ATF7IP2: variants seen among roughly 807,000 people sequenced by gnomAD.
ATF7IP2 encodes activating transcription factor 7-interacting protein 2.
ATF7IP2 carries 42 observed loss-of-function variants against 64.2 expected under a neutral mutation model. That is an observed-to-expected ratio of 0.65 (90% CI 0.51 to 0.85). The LOEUF (loss-of-function observed/expected upper bound fraction) is 0.85. Ranked by LOEUF, ATF7IP2 falls within the 40% of genes least tolerant of loss-of-function variation. The pLI is 0.00. For synonymous variants in ATF7IP2, 308 were observed against 272.8 expected, an observed-to-expected ratio of 1.13 and a Z score of -1.27; for missense variants, 933 against 784.2, an observed-to-expected ratio of 1.19 and a Z score of -2.27.
chr16:10,467,356 A>G (rs2049613458), intron 9 of ATF7IP2, among the ~76,000 whole-genome samples: 2 of 152,162 alleles, frequency 1.3e-5, no homozygotes, highest in Admixed American at 1.3e-4. Flanking sequence ...AGCTTCAACC[A>G]AAGAAAAATT....
chr16:10,416,411 G>C (rs911971289), intron 2 of ATF7IP2, among the ~76,000 whole-genome samples: 14 of 152,162 alleles, frequency 9.2e-5, no homozygotes, highest in African/African-American at 3.1e-4. Flanking sequence ...ATTTGAATTT[G>C]TGGTGAGAAT....
At chr16:10,405,572 C>G (rs1278635216) in intron 1 of ATF7IP2, among the ~76,000 whole-genome samples, 3 of 152,124 alleles carry the variant, frequency 2.0e-5, no homozygotes, top group Non-Finnish European at 4.4e-5. Flanking sequence ...CAGAAACATT[C>G]TTATCACATC....
At chr16:10,462,946 C>G (rs2049423857) in intron 9 of ATF7IP2, among the ~76,000 whole-genome samples, 1 of 152,124 alleles carries the variant, frequency 6.6e-6, no homozygotes, top group African/African-American at 2.4e-5. Flanking sequence ...ATCCAAGTAG[C>G]TATTAAACCC....
intron 6 of ATF7IP2, among the ~76,000 whole-genome samples, chr16:10,433,937 TTGTC>T (rs1449454647): frequency 6.6e-6 from 1 of 152,228 alleles, no homozygotes; most frequent in East Asian, 1.9e-4. Flanking sequence ...ACACTCATAT[TTGTC>T]TGTAAGTCAG....
rs774927272 is a variant in ATF7IP2, at chr16:10,481,980, C to G, written c.1780C>G (p.Leu594Val). Residue 594 changes from leucine to valine, a missense_variant, in exon 14 of 14, where the codon CTG becomes GTG. Transcript: ENST00000562102. ...KRVFRPNGIA[L>V]TWNITKINPK... Reference sequence around the variant, plus strand: ...GGTTTTCAGACCCAATGGCATTGCCCTGACTTGGAATATAACCAAAATCAA... The same window carrying G: ...GGTTTTCAGACCCAATGGCATTGCCGTGACTTGGAATATAACCAAAATCAA... 12 of 1,614,114 alleles carry G rather than the reference C, an allele frequency of 7.4e-6. No homozygotes were observed. The highest frequency in any genetic ancestry group is 8.5e-6 in the Non-Finnish European group (10 of 1,180,016).
chr16:10,468,174 C>G (rs1366066117), intron 9 of ATF7IP2, among the ~76,000 whole-genome samples: 1 of 152,118 alleles, frequency 6.6e-6, no homozygotes, highest in Non-Finnish European at 1.5e-5. Context: ...GCCACCGTGC[C>G]TGGCCCAAAT....
In ATF7IP2 at chr16:10,482,093, A is replaced by C. The variant is rs1297598190; in HGVS notation, c.1893A>C (p.Glu631Asp). Residue 631 changes from glutamate to aspartate, a missense_variant, in exon 14 of 14, where the codon GAA becomes GAC. By Grantham distance (45) the Glu-to-Asp change is conservative. Transcript: ENST00000562102. ...AGTTGATTTGGAAGAAGATTGGAGA[A>C]ATTAAAGCTTTACCACTCCCCATGG... Reference protein sequence around the residue: ...NNKLIWKKIGEIKALPLPMAC... With the variant: ...NNKLIWKKIGDIKALPLPMAC... The C allele has an allele frequency of 5.0e-6, 8 of 1,614,032 alleles. No homozygotes were observed. Among genetic ancestry groups the C allele is most frequent in the Non-Finnish European group, 6.8e-6 (8 of 1,180,014 alleles).
chr16:10,468,054 T>C (rs2049646756), intron 9 of ATF7IP2, among the ~76,000 whole-genome samples: 1 of 149,778 alleles, frequency 6.7e-6, no homozygotes, highest in Admixed American at 6.7e-5. Flanking sequence ...TAATTTTGTA[T>C]TTTTTAGTAG....
In ATF7IP2 at chr16:10,440,382, C is replaced by G; in HGVS notation, c.1114C>G (p.Gln372Glu). 2 of 1,550,924 alleles carry G rather than the reference C, an allele frequency of 1.3e-6. No homozygotes were observed. Among genetic ancestry groups the G allele is most frequent in the Non-Finnish European group, 1.7e-6 (2 of 1,152,842 alleles). ...CTTCTAGGCAAAAATAGCAAAACTT[C>G]AAAGACGTATTAAAACAGTATTATT... The part of the protein sequence containing the change: ...DKLLAKIAKL[Q>E]RRIKTVLLFQ... The change falls in exon 8 of 14, where the codon CAA becomes GAA. Residue 372 changes from glutamine (Q) to glutamate (E), a missense_variant. Transcript: ENST00000562102.
chr16:10,441,036 A>T (rs1596522604), intron 8 of ATF7IP2, among the ~76,000 whole-genome samples: 1 of 152,300 alleles, frequency 6.6e-6, no homozygotes, highest in East Asian at 1.9e-4. Flanking sequence ...TTTGCTGAGA[A>T]TGATGGTTTT....
At chr16:10,466,656 T>C (rs1353358575) in intron 9 of ATF7IP2, among the ~76,000 whole-genome samples, 1 of 152,228 alleles carries the variant, frequency 6.6e-6, no homozygotes, top group Non-Finnish European at 1.5e-5. Flanking sequence ...ATATCTTCTT[T>C]TATGAAGATT....
intron 3 of ATF7IP2, among the ~76,000 whole-genome samples, chr16:10,422,295 C>T (rs533087819): frequency 1.3e-5 from 2 of 152,272 alleles, no homozygotes; most frequent in South Asian, 2.1e-4. Flanking sequence ...TAAACCTTGG[C>T]GGGACTTTGT....
At chr16:10,480,136 C>T (rs9929356) in intron 12 of ATF7IP2, among the ~76,000 whole-genome samples, 10,732 of 151,450 alleles carry the variant, frequency 0.071, 753 homozygotes, top group African/African-American at 0.17. Flanking sequence ...TACAGGCACG[C>T]GCCACCACAC....
In ATF7IP2 at chr16:10,431,019, G is replaced by A. The variant is rs1222678628; in HGVS notation, c.399G>A (p.Glu133=). ...TESPSRVFTE[E]AKDSLNTSEN... ...CCCCCAGCAGAGTCTTCACAGAAGA[G>A]GCAAAAGATTCACTGAACACTTCTG... The change falls in exon 5 of 14, where the codon GAG becomes GAA. Residue 133 remains glutamate, a synonymous_variant. Transcript: ENST00000562102. The A allele has an allele frequency of 2.5e-6, 4 of 1,614,014 alleles. No individual in the cohort carries two copies. The highest frequency in any genetic ancestry group is 2.7e-5 in the African/African-American group (2 of 74,918).
chr16:10,480,280 C>G (rs559537823), intron 12 of ATF7IP2, among the ~76,000 whole-genome samples: 1 of 151,898 alleles, frequency 6.6e-6, no homozygotes, highest in Non-Finnish European at 1.5e-5. Context: ...CACAGCCTCC[C>G]CAGTTGTTTT....
intron 12 of ATF7IP2, among the ~76,000 whole-genome samples, chr16:10,474,332 T>G (rs1228143281): frequency 9.8e-6 from 1 of 101,702 alleles, no homozygotes; most frequent in East Asian, 3.6e-4. Flanking sequence ...CATTCTTGTG[T>G]AACAGTAGTG....
In ATF7IP2 at chr16:10,480,895, C is replaced by T. The variant is rs372769529; in HGVS notation, c.1566C>T (p.Pro522=). The change falls in exon 13 of 14, where the codon CCC becomes CCT. Residue 522 remains proline, a synonymous_variant. Coordinates refer to ENST00000562102, the MANE Select transcript of ATF7IP2 (RefSeq NM_001393719.1). The part of the protein sequence containing the change: ...SNCNTESPVS[P]LESHSKAASN... ...TGTTCACAGAAAGTCCAGTATCCCC[C>T]CTGGAGTCACATTCGAAAGCTGCTT... 2 of 1,611,334 alleles carry T rather than the reference C, an allele frequency of 1.2e-6. No individual in the cohort carries two copies. Among genetic ancestry groups the T allele is most frequent in the Non-Finnish European group, 8.5e-7 (1 of 1,177,632 alleles).
intron 9 of ATF7IP2, among the ~76,000 whole-genome samples, chr16:10,470,845 GTATA>G (rs568641530): frequency 7.6e-6 from 1 of 131,472 alleles, no homozygotes; most frequent in Non-Finnish European, 1.5e-5. Context: ...ATATGTGTGT[GTATA>G]TATATGTGTG....
At chr16:10,394,906 C>T (rs952332465) in intron 1 of ATF7IP2, among the ~76,000 whole-genome samples, 1 of 151,958 alleles carries the variant, frequency 6.6e-6, no homozygotes, top group Non-Finnish European at 1.5e-5. Flanking sequence ...GACCTCAAAT[C>T]AGTAACCTAG....
Sources: allele counts gnomAD v4.1 joint callset (sites outside exome capture counted in the v4.1 genomes callset), GRCh38; gene constraint gnomAD v4.1.1; transcripts MANE v1.5; gene names NCBI Gene and HGNC (gene_info 2026-07-23, HGNC 2026-07-21).